N4BP2: variants seen among roughly 807,000 people sequenced by gnomAD.
The protein encoded by N4BP2 is NEDD4-binding protein 2.
In N4BP2, 91 loss-of-function variants were observed where a neutral mutation model predicts 152.8. That is an observed-to-expected ratio of 0.60 (90% CI 0.50 to 0.71). The LOEUF is 0.71. Among genes scored for constraint, N4BP2 ranks in the 30% least tolerant of loss-of-function variants. N4BP2 has a pLI of 0.00. For synonymous variants in N4BP2, 646 were observed against 705.3 expected, an observed-to-expected ratio of 0.92 and a Z score of 1.33; for missense variants, 1,923 against 2,059.1, an observed-to-expected ratio of 0.93 and a Z score of 1.28.
the N4BP2 span, among the ~76,000 whole-genome samples, chr4:40,165,992 C>T: frequency 2.0e-5 from 3 of 152,090 alleles, no homozygotes; most frequent in Non-Finnish European, 4.4e-5. Flanking sequence ...TTTCTGTTTT[C>T]TTCTGCCTAG....
In N4BP2 at chr4:40,121,923, T is replaced by C; in HGVS notation, c.3812T>C (p.Val1271Ala). 1.3e-6 allele frequency: 2 copies of C among 1,590,300 alleles called. No homozygotes were observed. Among genetic ancestry groups the C allele is most frequent in the Non-Finnish European group, 1.7e-6 (2 of 1,172,708 alleles). ...AGTGAAACAGAAAAAAACCTAGTAG[T>C]CACAGAGACTGGAGACAACATACAT... is the stretch of plus-strand genomic sequence containing the variant. ...DMSETEKNLVVTETGDNIHSP... is the reference protein window; with the variant it reads ...DMSETEKNLVATETGDNIHSP... The change falls in exon 9 of 18, where the codon GTC (valine) becomes GCC (alanine). Residue 1271 changes from valine (V) to alanine (A), a missense_variant. Transcript: ENST00000261435.
intron 12 of N4BP2, among the ~76,000 whole-genome samples, chr4:40,131,528 A>AT (rs1348299071): frequency 6.6e-6 from 1 of 152,116 alleles, no homozygotes; most frequent in Admixed American, 6.6e-5. Context: ...GTGTATATAT[A>AT]TTTACATACA....
downstream of N4BP2, among the ~76,000 whole-genome samples, chr4:40,162,967 C>T (rs1007374099): frequency 6.6e-6 from 1 of 152,192 alleles, no homozygotes; most frequent in African/African-American, 2.4e-5. Context: ...TCTCCAAAGG[C>T]TGCTTGAGTG....
chr4:40,103,211 T>C lies in N4BP2; in HGVS notation c.1366T>C (p.Leu456=), dbSNP rs1443114901. The C allele has an allele frequency of 6.2e-7, 1 of 1,604,434 alleles. No homozygotes were observed. The highest frequency in any genetic ancestry group is 8.5e-7 in the Non-Finnish European group (1 of 1,176,000). ...TCTTCCGGGATCTGGAAAATCTTTT[T>C]TGGCAAGGTATGAGGTTTGATTGGG... ...RGLPGSGKSF[L]ARTLQEDNPS... Residue 456 remains leucine, a synonymous_variant, in exon 4 of 18, where the codon TTG becomes CTG. Coordinates refer to ENST00000261435, the MANE Select transcript of N4BP2 (RefSeq NM_018177.6).
chr4:40,140,363 C>T (rs1719805256), intron 14 of N4BP2, among the ~76,000 whole-genome samples: 1 of 152,104 alleles, frequency 6.6e-6, no homozygotes, highest in Admixed American at 6.5e-5. Flanking sequence ...GATTATGAGA[C>T]CTTATGGGCC....
downstream of N4BP2, among the ~76,000 whole-genome samples, chr4:40,159,632 A>T (rs148080024): frequency 2.0e-5 from 3 of 152,184 alleles, no homozygotes; most frequent in Admixed American, 2.0e-4. Context: ...CTTACGTCCT[A>T]TTGACCAGAA....
intron 4 of N4BP2, among the ~76,000 whole-genome samples, chr4:40,105,437 GC>G: frequency 6.6e-6 from 1 of 151,352 alleles, no homozygotes; most frequent in South Asian, 2.1e-4. Flanking sequence ...AGATTCTCCA[GC>G]CTCGGTCTCC....
chr4:40,103,029 A>C lies in N4BP2; in HGVS notation c.1184A>C (p.Tyr395Ser), dbSNP rs772027051. 2.5e-6 allele frequency: 4 copies of C among 1,614,154 alleles called. No individual in the cohort carries two copies. The South Asian group carries it at 4.4e-5, about 18-fold the overall frequency. The part of the protein sequence containing the change: ...TTAAHWRSVN[Y>S]TFPPSVISHT... Reference sequence around the variant, plus strand: ...GCTGCACACTGGAGATCTGTCAACTACACATTTCCACCCTCAGTTATTTCT... The same window carrying C: ...GCTGCACACTGGAGATCTGTCAACTCCACATTTCCACCCTCAGTTATTTCT... The change falls in exon 4 of 18, where the codon TAC (tyrosine) becomes TCC (serine). Residue 395 changes from tyrosine to serine, a missense_variant. By Grantham distance (144) the Tyr-to-Ser change is moderately radical (BLOSUM62 -2). Coordinates refer to ENST00000261435, the MANE Select transcript of N4BP2 (RefSeq NM_018177.6).
intron 2 of N4BP2, among the ~76,000 whole-genome samples, chr4:40,092,009 T>TAAAA (rs1560584824): frequency 5.4e-4 from 8 of 14,806 alleles, no homozygotes; most frequent in Admixed American, 1.4e-3. Flanking sequence ...AAAAAAAAAT[T>TAAAA]ATATATATAT....
intron 13 of N4BP2, among the ~76,000 whole-genome samples, chr4:40,135,002 G>T (rs1242711212): frequency 7.0e-6 from 1 of 143,708 alleles, no homozygotes; most frequent in East Asian, 2.1e-4. Flanking sequence ...CAATGTGCAG[G>T]TTAGTTACAT....
At chr4:40,172,272 T>C in the N4BP2 span, among the ~76,000 whole-genome samples, 1 of 152,162 alleles carries the variant, frequency 6.6e-6, no homozygotes, top group Non-Finnish European at 1.5e-5. Context: ...GCAGATTAGA[T>C]TGGCAGCTGA....
At chr4:40,168,554 A>G in the N4BP2 span, among the ~76,000 whole-genome samples, 3 of 149,064 alleles carry the variant, frequency 2.0e-5, no homozygotes, top group African/African-American at 7.4e-5. Flanking sequence ...ATTGTTATAA[A>G]TATAAGGATA....
intron 9 of N4BP2, among the ~76,000 whole-genome samples, chr4:40,122,539 A>G (rs1718038154): frequency 6.6e-6 from 1 of 152,170 alleles, no homozygotes; most frequent in Non-Finnish European, 1.5e-5. Context: ...GTACCTGGCT[A>G]GAGAGTTCTA....
intron 2 of N4BP2, among the ~76,000 whole-genome samples, chr4:40,082,618 C>G (rs967910019): frequency 2.0e-5 from 3 of 152,076 alleles, no homozygotes; most frequent in Non-Finnish European, 2.9e-5. Flanking sequence ...CAGAGTGAGA[C>G]TCTGTCTCCA....
intron 2 of N4BP2, among the ~76,000 whole-genome samples, chr4:40,073,895 C>T (rs181515476): frequency 5.5e-4 from 83 of 152,222 alleles, no homozygotes; most frequent in African/African-American, 1.9e-3. Flanking sequence ...CAGGTTTAAG[C>T]GATTCTCCTG....
chr4:40,120,566 T>A lies in N4BP2; in HGVS notation c.2455T>A (p.Tyr819Asn). 6.2e-7 allele frequency: 1 copy of A among 1,613,992 alleles called. No individual in the cohort carries two copies. Among genetic ancestry groups the A allele is most frequent in the Non-Finnish European group, 8.5e-7 (1 of 1,180,002 alleles). ...TTCATCCGTACAAAGCGACAAAAAG[T>A]ATAATTACCCTCAGTCACACAAATT... ...KTSSVQSDKKYNYPQSHKLVN... is the reference protein window; with the variant it reads ...KTSSVQSDKKNNYPQSHKLVN... Residue 819 changes from tyrosine to asparagine, a missense_variant, in exon 9 of 18, where the codon TAT becomes AAT. Physicochemically the swap from Tyr to Asn is moderately radical, Grantham distance 143. Transcript: ENST00000261435.
intron 16 of N4BP2, 57 bp from the exon 17 acceptor site, chr4:40,152,723 T>A: frequency 1.9e-6 from 3 of 1,594,658 alleles, no homozygotes; most frequent in Non-Finnish European, 1.7e-6. Context: ...GGTTTACGTT[T>A]TCTATTGAGA....
At chr4:40,179,128 G>T in the N4BP2 span, among the ~76,000 whole-genome samples, 1 of 152,130 alleles carries the variant, frequency 6.6e-6, no homozygotes, top group East Asian at 1.9e-4. Flanking sequence ...CAGCAGTTTG[G>T]GAGGCCGAGG....
At chr4:40,077,018 G>T (rs1254929896) in intron 2 of N4BP2, among the ~76,000 whole-genome samples, 1 of 152,076 alleles carries the variant, frequency 6.6e-6, no homozygotes, top group Non-Finnish European at 1.5e-5. Context: ...ATTACATATA[G>T]AGAGATTTTT....
Sources: gnomAD v4.1 joint callset for allele counts (sites outside exome capture counted in the v4.1 genomes callset) on GRCh38, gnomAD v4.1.1 for gene constraint, MANE v1.5 for transcripts, NCBI Gene and HGNC (gene_info 2026-07-23, HGNC 2026-07-21) for gene names.